Variants in DPP10 observed in about 807,000 individuals in gnomAD.
The protein encoded by DPP10 is dipeptidyl peptidase like 10.
Under a neutral mutation model 120.9 loss-of-function variants are expected in DPP10, and 33 were observed. The ratio of observed to expected loss-of-function variants is 0.27; its 90% CI spans 0.21 to 0.37. The LOEUF (loss-of-function observed/expected upper bound fraction) is 0.37. Ranked by LOEUF, DPP10 falls within the 10% of genes least tolerant of loss-of-function variation. The pLI, the probability that DPP10 is intolerant of heterozygous loss-of-function variation, is 1.00. For missense variants in DPP10, 816 were observed against 942.8 expected (o/e 0.87, Z 1.76); for synonymous variants, 337 against 326.1 (o/e 1.03, Z -0.36).
At chr2:115,835,084 CG>C (rs1689327934) in intron 21 of DPP10, among the ~76,000 whole-genome samples, 1 of 151,368 alleles carries the variant, frequency 6.6e-6, no homozygotes, top group Admixed American at 6.6e-5. Context: ...TGAAGTGAGC[CG>C]AGATCGCACC....
At chr2:114,644,273 A>G (rs1695944355) in intron 1 of DPP10, among the ~76,000 whole-genome samples, 1 of 150,886 alleles carries the variant, frequency 6.6e-6, no homozygotes, top group Non-Finnish European at 1.5e-5. Context: ...ACTACATCAG[A>G]CACAGATTCT....
Position 115,840,807 on chromosome 2 carries a change from T to C in DPP10, c.2240T>C (p.Val747Ala), listed in dbSNP as rs769283196. 3.1e-6 allele frequency: 5 copies of C among 1,613,012 alleles called. No homozygotes were observed. In the South Asian group the frequency reaches 5.5e-5, roughly 18 times the overall value. ...ELIKHLIKAG[V>A]NYTMQVYPDE... ...ATCAAGCACCTAATAAAAGCTGGAGTGAATTATACTATGCAGGTAAGCTAC... is the reference window on the plus strand; with the variant it reads ...ATCAAGCACCTAATAAAAGCTGGAGCGAATTATACTATGCAGGTAAGCTAC... The change falls in exon 25 of 26, where the codon GTG becomes GCG. Residue 747 changes from valine to alanine, a missense_variant. This residue lies in a region of DPP10 where 592 missense variants were observed against 649.0 expected (regional missense o/e 0.91). Coordinates refer to ENST00000410059, the MANE Select transcript of DPP10 (RefSeq NM_020868.6).
At chr2:114,651,972 G>A (rs1019579535) in intron 1 of DPP10, among the ~76,000 whole-genome samples, 8 of 152,162 alleles carry the variant, frequency 5.3e-5, no homozygotes, top group Non-Finnish European at 1.0e-4. Context: ...CTGAAATGCT[G>A]CTGGTCTAAC....
At chr2:115,618,044 G>T (rs148910004) in intron 5 of DPP10, among the ~76,000 whole-genome samples, 113 of 152,246 alleles carry the variant, frequency 7.4e-4, no homozygotes, top group African/African-American at 2.6e-3. Context: ...TGGGCATTGT[G>T]ACATAACATT....
chr2:114,610,897 G>T (rs1693230501), intron 1 of DPP10, among the ~76,000 whole-genome samples: 1 of 151,520 alleles, frequency 6.6e-6, no homozygotes, highest in Admixed American at 6.6e-5. Flanking sequence ...CCTCCCCTCA[G>T]GCCACCACCA....
chr2:114,781,805 G>C (rs1682350888), intron 1 of DPP10, among the ~76,000 whole-genome samples: 1 of 152,138 alleles, frequency 6.6e-6, no homozygotes, highest in African/African-American at 2.4e-5. Context: ...CAGGTCTGCA[G>C]AGCTAGCTGC....
At chr2:115,409,592 AAAC>A (rs1281355797) in intron 3 of DPP10, among the ~76,000 whole-genome samples, 1 of 152,218 alleles carries the variant, frequency 6.6e-6, no homozygotes, top group Non-Finnish European at 1.5e-5. Context: ...CCACTACGGA[AAAC>A]AGTATAGAGA....
chr2:115,207,517 C>A lies in DPP10; in HGVS notation c.61-101722C>A, dbSNP rs543794484. Among the ~76,000 whole-genome samples the A allele has an allele frequency of 7.5e-5, 11 of 147,398 alleles. No homozygotes were observed. In the South Asian group the frequency reaches 2.2e-3, roughly 30 times the overall value. ...TTGAGTGCCTATTGTGTTTAAGGCA[C>A]TCTGTAAGTGTTTTGCATCCACTGA... On this transcript the variant is annotated intron_variant, in intron 1 of 25. Transcript: ENST00000410059.
intron 1 of DPP10, among the ~76,000 whole-genome samples, chr2:114,804,817 A>C (rs567399546): frequency 1.3e-5 from 2 of 152,288 alleles, no homozygotes; most frequent in Non-Finnish European, 2.9e-5. Context: ...TTTTGGGTTA[A>C]TGCTGAAATG....
At chr2:115,583,847 G>A (rs2082138223) in intron 5 of DPP10, among the ~76,000 whole-genome samples, 1 of 152,194 alleles carries the variant, frequency 6.6e-6, no homozygotes, top group Non-Finnish European at 1.5e-5. Context: ...TCTGGTCACA[G>A]TCTGAACTGT....
chr2:115,013,657 GCAAA>G (rs1702422619), intron 1 of DPP10, among the ~76,000 whole-genome samples: 2 of 58,400 alleles, frequency 3.4e-5, no homozygotes, highest in African/African-American at 1.6e-4. Flanking sequence ...CAAATGGAAA[GCAAA>G]AAAAAAAAAA....
chr2:115,617,246 T>C (rs1026139164), intron 5 of DPP10, among the ~76,000 whole-genome samples: 3 of 130,222 alleles, frequency 2.3e-5, no homozygotes, highest in African/African-American at 8.4e-5. Flanking sequence ...AAACCCTGTA[T>C]GTATGTATGG....
chr2:114,991,532 A>G (rs904102368), intron 1 of DPP10, among the ~76,000 whole-genome samples: 1 of 152,240 alleles, frequency 6.6e-6, no homozygotes, highest in African/African-American at 2.4e-5. Flanking sequence ...ATAGATTTCT[A>G]TTTTACTGCC....
At chr2:114,652,121 A>C (rs1696634507) in intron 1 of DPP10, among the ~76,000 whole-genome samples, 1 of 152,174 alleles carries the variant, frequency 6.6e-6, no homozygotes, top group African/African-American at 2.4e-5. Flanking sequence ...CACATCCGGT[A>C]ATCCTTTAGA....
intron 1 of DPP10, among the ~76,000 whole-genome samples, chr2:114,596,225 G>A (rs1349690068): frequency 6.6e-6 from 1 of 151,990 alleles, no homozygotes; most frequent in Non-Finnish European, 1.5e-5. Context: ...TGCTCATTGG[G>A]CCCATTTACA....
intron 3 of DPP10, among the ~76,000 whole-genome samples, chr2:115,363,640 T>A (rs1278028339): frequency 6.6e-6 from 1 of 152,236 alleles, no homozygotes; most frequent in African/African-American, 2.4e-5. Flanking sequence ...TATGCCTTTC[T>A]TCTAAAGGCA....
At chr2:115,387,815 T>C (rs1287175518) in intron 3 of DPP10, among the ~76,000 whole-genome samples, 3 of 152,174 alleles carry the variant, frequency 2.0e-5, no homozygotes, top group Admixed American at 2.0e-4. Context: ...GAAGCTCACA[T>C]TATAATTTAC....
At chr2:114,801,669 A>G (rs1433569735) in intron 1 of DPP10, among the ~76,000 whole-genome samples, 1 of 152,244 alleles carries the variant, frequency 6.6e-6, no homozygotes, top group African/African-American at 2.4e-5. Flanking sequence ...TCCTCATTTC[A>G]TAATATTTCT....
chr2:114,889,767 C>T (rs960486253), intron 1 of DPP10, among the ~76,000 whole-genome samples: 4 of 152,110 alleles, frequency 2.6e-5, no homozygotes, highest in African/African-American at 9.7e-5. Flanking sequence ...TACTTTAAGA[C>T]ATCTAGAAAT....
Sources: allele counts gnomAD v4.1 joint callset (sites outside exome capture counted in the v4.1 genomes callset), GRCh38; gene constraint gnomAD v4.1.1; regional missense constraint gnomAD v4.1.1; transcripts MANE v1.5; gene names NCBI Gene and HGNC (gene_info 2026-07-23, HGNC 2026-07-21).